RBFOX1: variants seen among roughly 807,000 people sequenced by gnomAD.
RBFOX1 encodes the protein RNA binding fox-1 homolog 1.
RBFOX1 carries 8 observed loss-of-function variants against 57.7 expected under a neutral mutation model. The observed-to-expected ratio is 0.14, with a 90% CI of 0.08 to 0.25. RBFOX1 has a LOEUF of 0.25. RBFOX1 is among the 10% of genes least tolerant of loss of function. The pLI, the probability that RBFOX1 is intolerant of heterozygous loss-of-function variation, is 1.00. For synonymous variants in RBFOX1, 326 were observed against 222.4 expected (o/e 1.47, Z -4.15); for missense variants, 611 against 548.5 (o/e 1.11, Z -1.14).
intron 2 of RBFOX1, among the ~76,000 whole-genome samples, chr16:6,509,676 G>C (rs111507777): frequency 2.2e-4 from 33 of 152,230 alleles, no homozygotes; most frequent in African/African-American, 6.7e-4. Flanking sequence ...TTTTAAATAA[G>C]TAAAAGAGTA....
intron 4 of RBFOX1, among the ~76,000 whole-genome samples, chr16:7,197,998 CTTT>C (rs945404947): frequency 3.6e-5 from 2 of 55,592 alleles, no homozygotes; most frequent in African/African-American, 7.4e-5. Flanking sequence ...TTCTTTCTTT[CTTT>C]TTTTTTTTTT....
intron 3 of RBFOX1, among the ~76,000 whole-genome samples, chr16:6,712,779 T>C (rs2154153145): frequency 6.6e-6 from 1 of 152,054 alleles, no homozygotes; most frequent in South Asian, 2.1e-4. Context: ...CCAGTTGATA[T>C]GGTTTGGCTG....
At chr16:6,934,292 T>C (rs1342770958) in intron 3 of RBFOX1, among the ~76,000 whole-genome samples, 1 of 152,178 alleles carries the variant, frequency 6.6e-6, no homozygotes, top group Non-Finnish European at 1.5e-5. Context: ...GCGCTTGGGA[T>C]TTTCTTTTTC....
intron 2 of RBFOX1, among the ~76,000 whole-genome samples, chr16:6,410,996 C>G (rs2534735): frequency 6.6e-6 from 1 of 151,940 alleles, no homozygotes; most frequent in African/African-American, 2.4e-5. Flanking sequence ...ATGTAGTTAT[C>G]ACTTCCCTTA....
At chr16:6,109,019 C>G (rs1286093126) in intron 1 of RBFOX1, among the ~76,000 whole-genome samples, 1 of 152,098 alleles carries the variant, frequency 6.6e-6, no homozygotes, top group African/African-American at 2.4e-5. Flanking sequence ...GACCTGATAT[C>G]TTCGGGTGGC....
At chr16:5,696,980 T>C (rs2050864745) in intron 3 of RBFOX1, among the ~76,000 whole-genome samples, 1 of 152,164 alleles carries the variant, frequency 6.6e-6, no homozygotes, top group Non-Finnish European at 1.5e-5. Context: ...TGGCACAGTC[T>C]TGACTCACTG....
chr16:6,620,335 G>A (rs1336131649), intron 2 of RBFOX1, among the ~76,000 whole-genome samples: 5 of 152,148 alleles, frequency 3.3e-5, no homozygotes, highest in Admixed American at 6.5e-5. Context: ...TCTCTGAGAC[G>A]CAGCTAAGGC....
At chr16:7,451,876 C>T (rs1164883276) in intron 4 of RBFOX1, among the ~76,000 whole-genome samples, 1 of 152,112 alleles carries the variant, frequency 6.6e-6, no homozygotes, top group East Asian at 1.9e-4. Context: ...TTCATTTAAG[C>T]AGCAGAAGCT....
chr16:6,529,568 A>T (rs867997892), intron 2 of RBFOX1, among the ~76,000 whole-genome samples: 39 of 91,426 alleles, frequency 4.3e-4, no homozygotes, highest in East Asian at 4.2e-3. Context: ...TAATAATAAT[A>T]ATTATTATTA....
Position 5,664,271 on chromosome 16 carries a change from C to T in RBFOX1, c.318+65310C>T, listed in dbSNP as rs924567297. Among the ~76,000 whole-genome samples, 7 of 152,184 alleles carry T rather than the reference C, an allele frequency of 4.6e-5. No individual in the cohort carries two copies. The East Asian group carries it at 9.6e-4, about 21-fold the overall frequency. ...AACTCTTTAAAAGTGGATTCCTGGC[C>T]GGGCGCAGTGGCTCACGCCTATAAT... On this transcript the variant is annotated intron_variant, in intron 3 of 19. Transcript: ENST00000641259.
chr16:6,038,081 G>C (rs2095389887), intron 1 of RBFOX1: 1 of 151,992 alleles, frequency 6.6e-6, no homozygotes, highest in Middle Eastern at 3.4e-3. Flanking sequence ...TTTTTGGCGG[G>C]GGATTGACTC....
intron 12 of RBFOX1, among the ~76,000 whole-genome samples, chr16:7,662,998 T>C (rs74720528): frequency 0.033 from 4,984 of 152,270 alleles, 141 homozygotes; most frequent in African/African-American, 0.069. Context: ...TGGATGAGGA[T>C]ACTAGAATAA....
chr16:6,864,547 C>CTTT (rs556959548), intron 3 of RBFOX1, among the ~76,000 whole-genome samples: 6 of 139,520 alleles, frequency 4.3e-5, no homozygotes, highest in African/African-American at 1.6e-4. Flanking sequence ...TCTCCTTCCT[C>CTTT]TTTTTTTTTT....
At chr16:6,472,962 T>C (rs1567354574) in intron 2 of RBFOX1, among the ~76,000 whole-genome samples, 1 of 152,102 alleles carries the variant, frequency 6.6e-6, no homozygotes, top group Non-Finnish European at 1.5e-5. Context: ...AGAATTGTTG[T>C]AAGGAAGATA....
chr16:7,318,335 A>T (rs535059167), intron 4 of RBFOX1, among the ~76,000 whole-genome samples: 2 of 150,594 alleles, frequency 1.3e-5, no homozygotes, highest in African/African-American at 4.9e-5. Flanking sequence ...TGGTAGTGAC[A>T]GTGCTGATGG....
intron 4 of RBFOX1, among the ~76,000 whole-genome samples, chr16:7,101,513 C>G (rs1235734767): frequency 6.6e-6 from 1 of 151,956 alleles, no homozygotes; most frequent in African/African-American, 2.4e-5. Flanking sequence ...CCGGCTGTAC[C>G]AAAGTGTATC....
At chr16:7,509,966 GTT>G (rs5815406) in intron 4 of RBFOX1, among the ~76,000 whole-genome samples, 3 of 141,776 alleles carry the variant, frequency 2.1e-5, no homozygotes, top group Non-Finnish European at 4.6e-5. Context: ...CGAGCAGTGG[GTT>G]TTTTTTTTTT....
chr16:7,343,815 T>G (rs2096942290), intron 4 of RBFOX1, among the ~76,000 whole-genome samples: 1 of 152,112 alleles, frequency 6.6e-6, no homozygotes, highest in South Asian at 2.1e-4. Flanking sequence ...TGTGTGACCT[T>G]GGCACAGTTT....
chr16:6,190,904 TGTAA>T (rs1396400926), intron 1 of RBFOX1, among the ~76,000 whole-genome samples: 1 of 152,150 alleles, frequency 6.6e-6, no homozygotes, highest in Non-Finnish European at 1.5e-5. Context: ...GTGGTGTGAC[TGTAA>T]GTGAGAGTGA....
Sources: gnomAD v4.1 joint callset for allele counts (sites outside exome capture counted in the v4.1 genomes callset) on GRCh38, gnomAD v4.1.1 for gene constraint, MANE v1.5 for transcripts, NCBI Gene and HGNC (gene_info 2026-07-23, HGNC 2026-07-21) for gene names.